USP4: variants seen among roughly 807,000 people sequenced by gnomAD.
USP4 encodes the protein ubiquitin specific peptidase 4.
A neutral mutation model predicts 118.2 loss-of-function variants in USP4; 72 were observed. The ratio of observed to expected loss-of-function variants is 0.61; its 90% CI spans 0.50 to 0.74. USP4 has a LOEUF of 0.74. USP4 is among the 30% of genes least tolerant of loss of function. The probability of loss-of-function intolerance (pLI) is 0.00; values close to 1 mark genes in which losing one functional copy is unlikely to be tolerated. For synonymous variants in USP4, 415 were observed against 440.4 expected (o/e 0.94, Z 0.72); for missense variants, 1,037 against 1,185.7 (o/e 0.87, Z 1.84).
At chr3:49,287,449 C>T (rs996988147) in intron 15 of USP4, among the ~76,000 whole-genome samples, 8 of 152,008 alleles carry the variant, frequency 5.3e-5, no homozygotes, top group South Asian at 2.1e-4. Context: ...CCACTGCACC[C>T]GGCCAAGAAA....
At chr3:49,306,858 C>G (rs905923613) in intron 8 of USP4, among the ~76,000 whole-genome samples, 2 of 152,024 alleles carry the variant, frequency 1.3e-5, no homozygotes, top group Non-Finnish European at 2.9e-5. Flanking sequence ...AATCTCAGCT[C>G]ACCGCAACCT....
chr3:49,325,124 T>C, intron 4 of USP4, 85 bp from the exon 5 acceptor site: 20 of 1,518,808 alleles, frequency 1.3e-5, no homozygotes, highest in Non-Finnish European at 1.7e-5. Flanking sequence ...TCATCCTCTT[T>C]CTTGTCAGAT....
chr3:49,317,157 G>A (rs1461782959), intron 6 of USP4: 1 of 1,434,020 alleles, frequency 7.0e-7, no homozygotes, highest in Non-Finnish European at 9.8e-7. Context: ...CCCTCTTCAG[G>A]ACACTGAGCA....
intron 6 of USP4, chr3:49,316,891 G>C: frequency 1.7e-6 from 1 of 603,268 alleles, no homozygotes; most frequent in Non-Finnish European, 2.9e-6. Context: ...TAGCCTGTGT[G>C]AGCACAAAGC....
intron 21 of USP4, 102 bp from the exon 22 acceptor site, chr3:49,278,553 C>A: frequency 7.1e-7 from 1 of 1,411,586 alleles, no homozygotes; most frequent in East Asian, 2.3e-5. Flanking sequence ...TCTGCCATAT[C>A]CACACAGAGG....
At chr3:49,288,840 T>C (rs1378067752) in intron 15 of USP4, among the ~76,000 whole-genome samples, 1 of 151,364 alleles carries the variant, frequency 6.6e-6, no homozygotes, top group Non-Finnish European at 1.5e-5. Flanking sequence ...CCGGGCACAA[T>C]GGCTCACGCC....
chr3:49,302,777 A>G (rs1575608289), intron 9 of USP4, among the ~76,000 whole-genome samples: 1 of 152,286 alleles, frequency 6.6e-6, no homozygotes, highest in East Asian at 1.9e-4. Flanking sequence ...CCACTGCCCT[A>G]AGTCCTAAGG....
chr3:49,317,292 G>GTC, intron 6 of USP4: 1 of 1,494,096 alleles, frequency 6.7e-7, no homozygotes, highest in Non-Finnish European at 9.2e-7. Flanking sequence ...GCTTCTCGTT[G>GTC]ACGCAGGCCA....
intron 6 of USP4, among the ~76,000 whole-genome samples, chr3:49,321,700 T>C (rs939600798): frequency 7.9e-5 from 12 of 152,206 alleles, no homozygotes; most frequent in African/African-American, 2.4e-4. Context: ...TGGCCTATTA[T>C]TGATTTTTTT....
intron 19 of USP4, 139 bp from the exon 20 acceptor site, chr3:49,280,986 A>G: frequency 3.2e-6 from 2 of 632,554 alleles, no homozygotes; most frequent in Non-Finnish European, 5.6e-6. Flanking sequence ...CCAAGATGGA[A>G]GGGACTCTAG....
chr3:49,297,260 C>T (rs2047219865), intron 13 of USP4, among the ~76,000 whole-genome samples: 3 of 152,274 alleles, frequency 2.0e-5, no homozygotes, highest in African/African-American at 2.4e-5. Flanking sequence ...GTTATTACAC[C>T]ACTGTGCCTG....
At position 49,310,609 on chromosome 3, in the gene USP4, C is replaced by A; in HGVS notation, c.954+11G>T. ...ATGCTGTGTTATTTGAATGGAAGTT[C>A]TCTCCTCTACCTGCAAAGCGGAGTT... On this transcript the variant is annotated intron_variant, in intron 8 of 21. Transcript: ENST00000265560. 5 of 1,607,048 alleles carry A rather than the reference C, an allele frequency of 3.1e-6. No homozygotes were observed. Among genetic ancestry groups the A allele is most frequent in the Non-Finnish European group, 1.7e-6 (2 of 1,173,600 alleles).
At chr3:49,290,760 C>G (rs2047142960) in intron 15 of USP4, among the ~76,000 whole-genome samples, 1 of 152,202 alleles carries the variant, frequency 6.6e-6, no homozygotes, top group South Asian at 2.1e-4. Flanking sequence ...GATGATCTGC[C>G]TGCCTTGGCC....
chr3:49,316,823 G>A (rs908192919), intron 6 of USP4: 2 of 542,278 alleles, frequency 3.7e-6, no homozygotes, highest in African/African-American at 3.8e-5. Flanking sequence ...CAGCCCAGGA[G>A]TGTGGGTGCC....
chr3:49,292,683 T>C, intron 14 of USP4, 85 bp from the exon 15 acceptor site: 1 of 924,516 alleles, frequency 1.1e-6, no homozygotes, highest in South Asian at 1.8e-5. Context: ...TAAGAAGTAG[T>C]TCATAATTTA....
intron 8 of USP4, among the ~76,000 whole-genome samples, chr3:49,309,033 CAAAAAA>C (rs35731425): frequency 2.9e-5 from 2 of 69,644 alleles, no homozygotes; most frequent in African/African-American, 5.8e-5. Flanking sequence ...GATGCTGTCT[CAAAAAA>C]AAAAAAAAAA....
rs549754688 is a variant in USP4, at chr3:49,281,526, AC to A, written c.2541-680del. Among the ~76,000 whole-genome samples the A allele has an allele frequency of 3.3e-5, 5 of 149,750 alleles. No homozygotes were observed. In the South Asian group the frequency reaches 1.0e-3, roughly 31 times the overall value. ...CACACACACACACACACACACACAC[AC>A]ACACATATATACATTTATATATACA... On this transcript the variant is annotated intron_variant, in intron 19 of 21. Coordinates refer to ENST00000265560, the MANE Select transcript of USP4 (RefSeq NM_003363.4).
In USP4 at chr3:49,280,974, GAC is replaced by G; in HGVS notation, c.2541-129_2541-128del. The stretch of plus-strand genomic sequence containing the variant: ...GGAGGCACTCAAACTATTCGAGAGA[GAC>G]CAAGATGGAAGGGACTCTAGGATCC... On this transcript the variant is annotated intron_variant, in intron 19 of 21. Coordinates refer to ENST00000265560, the MANE Select transcript of USP4 (RefSeq NM_003363.4). 4.5e-6 allele frequency: 3 copies of G among 663,758 alleles called. No homozygotes were observed. The South Asian group carries it at 5.5e-5, about 12-fold the overall frequency. 41.1% of individuals were successfully genotyped at this position (663,758 alleles called of 1,614,324 possible). A position where few individuals can be genotyped will look rare whatever the true frequency, so the allele number is the denominator to read the frequency against.
chr3:49,281,551 C>T (rs1317404618), intron 19 of USP4, among the ~76,000 whole-genome samples: 1 of 149,222 alleles, frequency 6.7e-6, no homozygotes, highest in Non-Finnish European at 1.5e-5. Context: ...TTTATATATA[C>T]ACACACACAC....
Sources: allele counts gnomAD v4.1 joint callset (sites outside exome capture counted in the v4.1 genomes callset), GRCh38; gene constraint gnomAD v4.1.1; transcripts MANE v1.5; gene names NCBI Gene and HGNC (gene_info 2026-07-23, HGNC 2026-07-21).